AP1G2: variants seen among roughly 807,000 people sequenced by gnomAD.
AP1G2 encodes the protein adaptor related protein complex 1 subunit gamma 2.
In AP1G2, 85 loss-of-function variants were observed where a neutral mutation model predicts 95.8. That is an observed-to-expected ratio of 0.89 (90% CI 0.74 to 1.06). The LOEUF is 1.06. AP1G2 is among the 50% of genes least tolerant of loss of function. The probability of loss-of-function intolerance (pLI) is 0.00; values close to 1 mark genes in which losing one functional copy is unlikely to be tolerated. For missense variants in AP1G2, 967 were observed against 1,005.8 expected (o/e 0.96, Z 0.52); for synonymous variants, 378 against 400.0 (o/e 0.94, Z 0.66).
At position 23,567,558 on chromosome 14, in the gene AP1G2, G is replaced by C. The variant is rs1301297451; in HGVS notation, c.-6+181C>G. On this transcript the variant is annotated intron_variant, in intron 1 of 21. Transcript: ENST00000397120. This position sits in a 1 kb window ranked among gnomAD's most constrained non-coding sequence, Gnocchi z 5.3. ...GCCCCTTCCTATTGAGCATGCGCGGGAGCCCCACCTATTTCTCTCTACCGT... is the reference window on the plus strand; with the variant it reads ...GCCCCTTCCTATTGAGCATGCGCGGCAGCCCCACCTATTTCTCTCTACCGT... 2 of 1,315,700 alleles carry C rather than the reference G, an allele frequency of 1.5e-6. No individual in the cohort carries two copies. Among genetic ancestry groups the C allele is most frequent in the African/African-American group, 3.1e-5 (2 of 64,788 alleles). The allele number at this position is 1,315,700 out of a possible 1,614,324, so 81.5% of individuals were successfully genotyped here.
rs553287929 is a variant in AP1G2 at position 23,566,635 on chromosome 14, C to A, written c.256G>T (p.Gly86Cys). 1.2e-6 allele frequency: 2 copies of A among 1,614,198 alleles called. No individual in the cohort carries two copies. Among genetic ancestry groups the A allele is most frequent in the Admixed American group, 3.3e-5 (2 of 60,016 alleles). Residue 86 changes from glycine to cysteine, a missense_variant, in exon 3 of 22, where the codon GGC becomes TGC. By Grantham distance (159) the Gly-to-Cys change is radical. Coordinates refer to ENST00000397120, the MANE Select transcript of AP1G2 (RefSeq NM_003917.5). ...ASSRFTDKRVGYLGAMLLLDE... is the reference protein window; with the variant it reads ...ASSRFTDKRVCYLGAMLLLDE... ...AATAGAAGCATGGCCCCCAGGTAGC[C>A]CACCCTCTTGTCTGTGAATCTGGAG...
intron 17 of AP1G2, 67 bp downstream of exon 17, chr14:23,561,895 C>T: frequency 6.5e-7 from 1 of 1,537,164 alleles, no homozygotes; most frequent in South Asian, 1.2e-5. Flanking sequence ...GCCCTTGTAC[C>T]TAGAAAAGGG....
At chr14:23,563,062 TA>T in intron 14 of AP1G2, 1 of 1,269,624 alleles carries the variant, frequency 7.9e-7, no homozygotes. Flanking sequence ...TGGCATCTGT[TA>T]ATTCATTCAG....
At position 23,567,428 on chromosome 14, in the gene AP1G2, C is replaced by A; in HGVS notation, c.-5-109G>T. 7.0e-7 allele frequency: 1 copy of A among 1,427,602 alleles called. No homozygotes were observed. Among genetic ancestry groups the A allele is most frequent in the Non-Finnish European group, 9.1e-7 (1 of 1,097,878 alleles). 88.4% of individuals were successfully genotyped at this position (1,427,602 alleles called of 1,614,324 possible). On this transcript the variant is annotated intron_variant, in intron 1 of 21. Coordinates refer to ENST00000397120, the MANE Select transcript of AP1G2 (RefSeq NM_003917.5). The surrounding 1 kb of genome is among the most constrained non-coding windows in gnomAD (Gnocchi z 5.3). The stretch of plus-strand genomic sequence containing the variant: ...TAAGAGCCCGGGTCCCACAGGTACC[C>A]TAAAATTGCGCCCGCATTTTACCTT...
Position 23,561,981 on chromosome 14 carries a change from G to A in AP1G2, c.1714C>T (p.Arg572Trp), listed in dbSNP as rs371365778. The A allele has an allele frequency of 3.2e-5, 51 of 1,611,744 alleles. No individual in the cohort carries two copies. The highest frequency in any genetic ancestry group is 4.1e-5 in the Non-Finnish European group (48 of 1,179,126). ...QRAVEYDTLF[R>W]KYDHMRAAIL... Reference sequence around the variant, plus strand: ...ACACACCTCATGTGGTCGTATTTCCGGAAGAGTGTGTCATACTCCACAGCC... The same window carrying A: ...ACACACCTCATGTGGTCGTATTTCCAGAAGAGTGTGTCATACTCCACAGCC... Residue 572 changes from arginine (R) to tryptophan (W), a missense_variant, in exon 17 of 22, where the codon CGG becomes TGG. Coordinates refer to ENST00000397120, the MANE Select transcript of AP1G2 (RefSeq NM_003917.5).
rs1888479291 is a variant in AP1G2 at position 23,567,209 on chromosome 14, G to C, written c.106C>G (p.Arg36Gly). The change falls in exon 2 of 22, where the codon CGG becomes GGG. Residue 36 changes from arginine (R) to glycine (G), a missense_variant. Coordinates refer to ENST00000397120, the MANE Select transcript of AP1G2 (RefSeq NM_003917.5). The surrounding 1 kb of genome is among the most constrained non-coding windows in gnomAD (Gnocchi z 5.3). ...EVIQKECAHI[R>G]ASFRDGDPVH... ...GGGTCCCCGTCGCGGAAGGAGGCCC[G>C]GATGTGGGCACACTCCTTTTGGATC... The C allele has an allele frequency of 1.2e-6, 2 of 1,612,760 alleles. No individual in the cohort carries two copies. Among genetic ancestry groups the C allele is most frequent in the African/African-American group, 1.3e-5 (1 of 74,988 alleles).
chr14:23,559,946 G>A lies in AP1G2; in HGVS notation c.2248C>T (p.Pro750Ser), dbSNP rs151124111. The A allele has an allele frequency of 1.4e-4, 232 of 1,613,018 alleles. 1 individual carries two copies. In the East Asian group the frequency reaches 5.1e-3, roughly 36 times the overall value. The change falls in exon 21 of 22, where the codon CCT becomes TCT. Residue 750 changes from proline (P) to serine (S), a missense_variant. Transcript: ENST00000397120. Reference protein sequence around the residue: ...PITQLFRILNPNKAPLRLKLR... With the variant: ...PITQLFRILNSNKAPLRLKLR... ...GAACTCCTGAAGCTCACCTTGTTAG[G>A]ATTGAGGATTCTGAAGAGCTGGGTG...
intron 7 of AP1G2, 112 bp downstream of exon 7, chr14:23,565,494 T>C: frequency 1.0e-6 from 1 of 972,606 alleles, no homozygotes; most frequent in Non-Finnish European, 1.6e-6. Context: ...CCTGCTACTC[T>C]GCTGCCCAGG....
At chr14:23,565,255 G>C (rs531155461) in intron 7 of AP1G2, 56 bp from the exon 8 acceptor site, 1 of 1,554,710 alleles carries the variant, frequency 6.4e-7, no homozygotes, top group South Asian at 1.2e-5. Context: ...AGGAGTCGTG[G>C]GGCTGAGGAG....
chr14:23,566,820 G>C, intron 2 of AP1G2, 134 bp from the exon 3 acceptor site: 1 of 1,334,596 alleles, frequency 7.5e-7, no homozygotes, highest in Non-Finnish European at 1.0e-6. Context: ...TCAACAAGAG[G>C]AGAAGCTTAG....
rs778068105 is a variant in AP1G2, at chr14:23,566,642, C to G, written c.249G>C (p.Lys83Asn). 1.2e-6 allele frequency: 2 copies of G among 1,614,208 alleles called. No individual in the cohort carries two copies. The highest frequency in any genetic ancestry group is 1.1e-5 in the South Asian group (1 of 91,088). ...KLIASSRFTD[K>N]RVGYLGAMLL... ...GCATGGCCCCCAGGTAGCCCACCCT[C>G]TTGTCTGTGAATCTGGAGGAGGCGA... Residue 83 changes from lysine to asparagine, a missense_variant, in exon 3 of 22, where the codon AAG becomes AAC. By Grantham distance (94) the Lys-to-Asn change is moderately conservative. Coordinates refer to ENST00000397120, the MANE Select transcript of AP1G2 (RefSeq NM_003917.5).
intron 16 of AP1G2, 83 bp downstream of exon 16, chr14:23,562,205 G>A: frequency 4.4e-6 from 7 of 1,597,836 alleles, no homozygotes; most frequent in Non-Finnish European, 6.0e-6. Flanking sequence ...AGGGAGGGCT[G>A]GGCATGTATG....
rs765290269 is a variant in AP1G2, at chr14:23,566,702, C to T, written c.205-16G>A. 18 of 1,612,726 alleles carry T rather than the reference C, an allele frequency of 1.1e-5. No homozygotes were observed. In the South Asian group the frequency reaches 2.0e-4, roughly 18 times the overall value. ...GGCACTCCATCTATAGTGAAGGGGG[C>T]AGACCAGGAAGAGGCAGGGGTGAAA... On this transcript the variant is annotated splice_polypyrimidine_tract_variant and intron_variant, in intron 2 of 21. Coordinates refer to ENST00000397120, the MANE Select transcript of AP1G2 (RefSeq NM_003917.5).
rs972408276 is a variant in AP1G2 at position 23,567,589 on chromosome 14, C to G, written c.-6+150G>C. On this transcript the variant is annotated intron_variant, in intron 1 of 21. Transcript: ENST00000397120. The surrounding 1 kb of genome is among the most constrained non-coding windows in gnomAD (Gnocchi z 5.3). ...CACCTATTTCTCTCTACCGTTTCCT[C>G]CCCCTACCTGGTACCCCATCCCTAG... The G allele has an allele frequency of 6.4e-6, 8 of 1,254,964 alleles. No homozygotes were observed. The highest frequency in any genetic ancestry group is 8.0e-6 in the Non-Finnish European group (8 of 999,438). 77.7% of individuals were successfully genotyped at this position (1,254,964 alleles called of 1,614,324 possible).
chr14:23,565,050 T>A, intron 8 of AP1G2, 69 bp downstream of exon 8: 1 of 1,467,642 alleles, frequency 6.8e-7, no homozygotes, highest in Non-Finnish European at 9.6e-7. Flanking sequence ...TGACGAGTCA[T>A]GTGAGGGGCA....
chr14:23,562,502 A>G lies in AP1G2; in HGVS notation c.1500+2T>C, dbSNP rs1418755110. On this transcript the variant is annotated splice_donor_variant, in intron 15 of 21. Coordinates refer to ENST00000397120, the MANE Select transcript of AP1G2 (RefSeq NM_003917.5). LOFTEE classifies it high-confidence loss of function. ...CTCAGTGTACCCCCAATGAGGTCTC[A>G]CCTGAAGGGGCTCAATCTCCTCGCA... 1 of 1,614,104 alleles carries G rather than the reference A, an allele frequency of 6.2e-7. No individual in the cohort carries two copies. Among genetic ancestry groups the G allele is most frequent in the Admixed American group, 1.7e-5 (1 of 60,012 alleles).
At position 23,559,821 on chromosome 14, in the gene AP1G2, G is replaced by A. The variant is rs145165124; in HGVS notation, c.2286C>T (p.Thr762=). The change falls in exon 22 of 22, where the codon ACC becomes ACT. Residue 762 remains threonine (T), a synonymous_variant. Coordinates refer to ENST00000397120, the MANE Select transcript of AP1G2 (RefSeq NM_003917.5). ...KAPLRLKLRL[T]YDHFHQSVQE... ...GCACCGACTGGTGAAAGTGGTCGTA[G>A]GTGAGGCGCAGCTTTAGCCGCAGGG... 2.2e-5 allele frequency: 36 copies of A among 1,614,034 alleles called. No homozygotes were observed. Among genetic ancestry groups the A allele is most frequent in the Non-Finnish European group, 3.0e-5 (35 of 1,180,040 alleles).
At chr14:23,564,473 TGG>T (rs760176093) in intron 9 of AP1G2, 85 bp from the exon 10 acceptor site, 28 of 1,601,936 alleles carry the variant, frequency 1.7e-5, no homozygotes, top group Non-Finnish European at 2.4e-5. Flanking sequence ...CGCAAGATGA[TGG>T]GGCTAGGAGG....
Position 23,567,150 on chromosome 14 carries a change from G to A in AP1G2, c.165C>T (p.Leu55=), listed in dbSNP as rs1327525025. ...VHRHRQLAKL[L]YVHMLGYPAH... is the part of the protein sequence containing the mutation. ...CGGGGTAGCCCAACATGTGGACGTA[G>A]AGCAGTTTGGCCAGCTGCCGGTGCC... Residue 55 remains leucine, a synonymous_variant, in exon 2 of 22, where the codon CTC becomes CTT. Transcript: ENST00000397120. This position sits in a 1 kb window ranked among gnomAD's most constrained non-coding sequence, Gnocchi z 5.3. The A allele has an allele frequency of 6.2e-7, 1 of 1,612,872 alleles. No homozygotes were observed. Among genetic ancestry groups the A allele is most frequent in the African/African-American group, 1.3e-5 (1 of 74,928 alleles).
Sources: gnomAD v4.1 joint callset for allele counts on GRCh38, gnomAD v4.1.1 for gene constraint, Gnocchi (gnomAD v3.1) non-coding constraint, MANE v1.5 for transcripts, NCBI Gene and HGNC (gene_info 2026-07-23, HGNC 2026-07-21) for gene names.